Variants in FTO observed in about 807,000 individuals in gnomAD.
FTO encodes alpha-ketoglutarate-dependent dioxygenase FTO.
A neutral mutation model predicts 63.9 loss-of-function variants in FTO; 47 were observed. The observed-to-expected ratio is 0.74, with a 90% CI of 0.58 to 0.94. The LOEUF is 0.94. Among genes scored for constraint, FTO ranks in the 40% least tolerant of loss-of-function variants. FTO has a pLI of 0.00. For synonymous variants in FTO, 207 were observed against 224.4 expected (o/e 0.92, Z 0.69); for missense variants, 562 against 618.1 (o/e 0.91, Z 0.96).
chr16:53,713,642 G>T (rs1237939205), intron 1 of FTO, among the ~76,000 whole-genome samples: 1 of 152,106 alleles, frequency 6.6e-6, no homozygotes, highest in Admixed American at 6.5e-5. Context: ...TTTGTCCTTG[G>T]CATGCTCTTT....
chr16:54,092,360 G>T (rs1404852287), intron 8 of FTO, among the ~76,000 whole-genome samples: 1 of 152,154 alleles, frequency 6.6e-6, no homozygotes, highest in African/African-American at 2.4e-5. Flanking sequence ...TCAAGACCTG[G>T]ATTCTAGTCT....
intron 4 of FTO, among the ~76,000 whole-genome samples, chr16:53,863,256 C>T (rs2080225444): frequency 6.6e-6 from 1 of 152,168 alleles, no homozygotes; most frequent in South Asian, 2.1e-4. Context: ...AAAGTGCCTC[C>T]ATTCCTTTGA....
chr16:53,784,067 C>G (rs1243052213), intron 1 of FTO, among the ~76,000 whole-genome samples: 1 of 152,158 alleles, frequency 6.6e-6, no homozygotes, highest in African/African-American at 2.4e-5. Flanking sequence ...AATGAGCAGC[C>G]AAATCTAGCT....
intron 8 of FTO, chr16:54,039,666 C>G (rs1215377072): frequency 6.6e-6 from 1 of 152,224 alleles, no homozygotes; most frequent in Non-Finnish European, 1.5e-5. Context: ...TGTTCTAACT[C>G]AATCTGCTAC....
At chr16:53,749,204 G>A (rs908530425) in intron 1 of FTO, among the ~76,000 whole-genome samples, 2 of 152,190 alleles carry the variant, frequency 1.3e-5, no homozygotes, top group Non-Finnish European at 2.9e-5. Flanking sequence ...AGTTCTAACA[G>A]TATTTTGGTG....
At chr16:53,849,285 G>A (rs2079718824) in intron 4 of FTO, among the ~76,000 whole-genome samples, 1 of 152,178 alleles carries the variant, frequency 6.6e-6, no homozygotes, top group African/African-American at 2.4e-5. Flanking sequence ...ATAAGAAAAT[G>A]TATGGGAATA....
At chr16:53,801,471 G>T (rs935265808) in intron 1 of FTO, among the ~76,000 whole-genome samples, 3 of 151,900 alleles carry the variant, frequency 2.0e-5, no homozygotes, top group Non-Finnish European at 2.9e-5. Context: ...CTTTTATAAA[G>T]ACTTAGTGAG....
In FTO at chr16:53,958,787, C is replaced by T. The variant is rs578091492; in HGVS notation, c.1364+24678C>T. On this transcript the variant is annotated intron_variant, in intron 8 of 8. Transcript: ENST00000471389. ...GCACAACCCCAAATAAATACTCAGC[C>T]TGACATCTAGGCCGGTGGATTCACC... Among the ~76,000 whole-genome samples, 4 of 152,296 alleles carry T rather than the reference C, an allele frequency of 2.6e-5. No individual in the cohort carries two copies. In the South Asian group the frequency reaches 6.2e-4, roughly 24 times the overall value.
intron 1 of FTO, among the ~76,000 whole-genome samples, chr16:53,786,782 G>A (rs1198792242): frequency 6.6e-6 from 1 of 152,150 alleles, no homozygotes; most frequent in Non-Finnish European, 1.5e-5. Flanking sequence ...AGATGGTAGA[G>A]AGGCTGAGTG....
chr16:53,764,437 C>T (rs1284807658), intron 1 of FTO, among the ~76,000 whole-genome samples: 2 of 142,080 alleles, frequency 1.4e-5, no homozygotes, highest in Admixed American at 1.5e-4. Flanking sequence ...CAAAACCATC[C>T]TGGCTAACAT....
intron 2 of FTO, among the ~76,000 whole-genome samples, chr16:53,813,786 A>C (rs1344744563): frequency 6.6e-6 from 1 of 152,070 alleles, no homozygotes; most frequent in African/African-American, 2.4e-5. Context: ...GCATGCTCTC[A>C]CATGCAATCC....
At chr16:54,062,590 C>T (rs1322147499) in intron 8 of FTO, among the ~76,000 whole-genome samples, 1 of 152,120 alleles carries the variant, frequency 6.6e-6, no homozygotes, top group Non-Finnish European at 1.5e-5. Flanking sequence ...GTTATCTGAA[C>T]CCATCATTAG....
intron 2 of FTO, among the ~76,000 whole-genome samples, chr16:53,811,633 C>A (rs1483967962): frequency 6.6e-6 from 1 of 152,104 alleles, no homozygotes; most frequent in African/African-American, 2.4e-5. Flanking sequence ...GCATGGCAAC[C>A]CTCTGCTTCA....
chr16:53,894,276 A>G (rs1334027344), intron 7 of FTO, among the ~76,000 whole-genome samples: 2 of 152,190 alleles, frequency 1.3e-5, no homozygotes, highest in Non-Finnish European at 2.9e-5. Context: ...GAGCCTGCCC[A>G]TGGCTGTGTG....
chr16:53,951,886 A>G (rs1442148116), intron 8 of FTO, among the ~76,000 whole-genome samples: 1 of 152,162 alleles, frequency 6.6e-6, no homozygotes. Context: ...GGATATGGCT[A>G]AAATCATGAT....
chr16:54,079,654 G>C (rs1374830872), intron 8 of FTO, among the ~76,000 whole-genome samples: 1 of 152,148 alleles, frequency 6.6e-6, no homozygotes, highest in African/African-American at 2.4e-5. Context: ...TAGCCCAATA[G>C]ACCGAATAGG....
intron 8 of FTO, among the ~76,000 whole-genome samples, chr16:53,934,618 T>A (rs2082348254): frequency 6.6e-6 from 1 of 152,186 alleles, no homozygotes; most frequent in South Asian, 2.1e-4. Flanking sequence ...TAGCCTACTA[T>A]ACACCTAGGC....
chr16:53,845,824 G>A (rs1057195534), intron 4 of FTO, among the ~76,000 whole-genome samples: 1 of 152,126 alleles, frequency 6.6e-6, no homozygotes. Flanking sequence ...AGGAGGATTG[G>A]GAGATCATTA....
intron 8 of FTO, among the ~76,000 whole-genome samples, chr16:54,093,904 C>T (rs772344731): frequency 9.2e-5 from 14 of 152,094 alleles, no homozygotes; most frequent in South Asian, 2.1e-4. Context: ...GATGAGGTGG[C>T]CCAGACTGTC....
Sources: gnomAD v4.1 joint callset for allele counts (sites outside exome capture counted in the v4.1 genomes callset) on GRCh38, gnomAD v4.1.1 for gene constraint, MANE v1.5 for transcripts, NCBI Gene and HGNC (gene_info 2026-07-23, HGNC 2026-07-21) for gene names.